GRID2: variants seen among roughly 807,000 people sequenced by gnomAD.
GRID2 encodes the protein glutamate ionotropic receptor delta type subunit 2.
GRID2 carries 33 observed loss-of-function variants against 114.8 expected under a neutral mutation model. The observed-to-expected ratio is 0.29, with a 90% CI of 0.22 to 0.38. The LOEUF (loss-of-function observed/expected upper bound fraction) is 0.38, where lower values mean the gene tolerates loss of function less well. GRID2 is among the 10% of genes least tolerant of loss of function. The pLI is 1.00. For synonymous variants in GRID2, 505 were observed against 449.9 expected (o/e 1.12, Z -1.55); for missense variants, 1,184 against 1,257.7 (o/e 0.94, Z 0.89).
intron 14 of GRID2, among the ~76,000 whole-genome samples, chr4:93,631,922 A>G (rs1371687424): frequency 2.0e-5 from 3 of 152,108 alleles, no homozygotes; most frequent in Non-Finnish European, 4.4e-5. Context: ...CTGCTGTGAG[A>G]TGGTATCTCG....
intron 2 of GRID2, among the ~76,000 whole-genome samples, chr4:93,030,092 T>G (rs1368273822): frequency 6.6e-6 from 1 of 152,192 alleles, no homozygotes; most frequent in African/African-American, 2.4e-5. Flanking sequence ...TATTGAAAAG[T>G]AGAGTTTCTG....
chr4:93,035,600 T>C (rs1263019006), intron 2 of GRID2, among the ~76,000 whole-genome samples: 3 of 152,272 alleles, frequency 2.0e-5, no homozygotes, highest in East Asian at 1.9e-4. Context: ...AATGAAGATA[T>C]AACCTAGGCT....
At chr4:92,612,694 T>C (rs1033236984) in intron 2 of GRID2, among the ~76,000 whole-genome samples, 2 of 151,526 alleles carry the variant, frequency 1.3e-5, no homozygotes, top group African/African-American at 4.8e-5. Context: ...AGGATTTTAT[T>C]CATTTTGATA....
intron 1 of GRID2, among the ~76,000 whole-genome samples, chr4:92,552,657 T>G (rs1004248582): frequency 4.6e-5 from 7 of 152,130 alleles, no homozygotes; most frequent in African/African-American, 1.7e-4. Context: ...TAGATGACTC[T>G]TAAGAATCTA....
chr4:93,578,577 T>C (rs1736639664), intron 13 of GRID2, among the ~76,000 whole-genome samples: 1 of 148,156 alleles, frequency 6.7e-6, no homozygotes, highest in Admixed American at 6.7e-5. Flanking sequence ...AACCTTGTCT[T>C]GTTTTTTGTA....
Position 93,545,020 on chromosome 4 carries a change from T to C in GRID2, c.2193+29609T>C, listed in dbSNP as rs1733072030. ...ATTTTACACCCCCTAAGTGAATTAA[T>C]CACTCACTTCTTTATAACTCTACCA... On this transcript the variant is annotated intron_variant, in intron 13 of 15. Coordinates refer to ENST00000282020, the MANE Select transcript of GRID2 (RefSeq NM_001510.4). 2.0e-5 allele frequency among the ~76,000 whole-genome samples: 3 copies of C among 152,160 alleles called. No individual in the cohort carries two copies. In the South Asian group the frequency reaches 6.2e-4, roughly 31 times the overall value.
At chr4:92,310,630 T>C (rs1725650700) in intron 1 of GRID2, among the ~76,000 whole-genome samples, 1 of 152,024 alleles carries the variant, frequency 6.6e-6, no homozygotes. Context: ...TGGATTAGAA[T>C]TTAGAAGGTA....
chr4:92,545,090 A>T (rs1360499025), intron 1 of GRID2, among the ~76,000 whole-genome samples: 1 of 152,014 alleles, frequency 6.6e-6, no homozygotes, highest in African/African-American at 2.4e-5. Context: ...TGAATGCCAG[A>T]GCTAATGTGA....
intron 2 of GRID2, among the ~76,000 whole-genome samples, chr4:92,971,290 C>G (rs925106062): frequency 6.6e-6 from 1 of 151,938 alleles, no homozygotes; most frequent in Admixed American, 6.6e-5. Flanking sequence ...GGGACATAGG[C>G]ACTTTATACA....
intron 2 of GRID2, among the ~76,000 whole-genome samples, chr4:92,745,467 T>G (rs1372253583): frequency 1.3e-5 from 2 of 152,326 alleles, no homozygotes; most frequent in East Asian, 3.9e-4. Flanking sequence ...TTATACTGTT[T>G]AACATGCTAC....
chr4:93,039,213 C>T (rs1725243191), intron 2 of GRID2, among the ~76,000 whole-genome samples: 1 of 151,462 alleles, frequency 6.6e-6, no homozygotes, highest in South Asian at 2.1e-4. Context: ...CAAGCTAACA[C>T]AGGAACAGAA....
At chr4:92,617,272 T>C (rs1288588974) in intron 2 of GRID2, among the ~76,000 whole-genome samples, 1 of 151,224 alleles carries the variant, frequency 6.6e-6, no homozygotes, top group African/African-American at 2.4e-5. Context: ...GTTTGTTACA[T>C]AGGTATACAT....
At chr4:93,347,911 T>C (rs1373250590) in intron 8 of GRID2, among the ~76,000 whole-genome samples, 1 of 152,116 alleles carries the variant, frequency 6.6e-6, no homozygotes, top group Non-Finnish European at 1.5e-5. Flanking sequence ...AAATTTATTA[T>C]TTGGAGAAAT....
At chr4:92,334,104 C>T (rs1165094875) in intron 1 of GRID2, among the ~76,000 whole-genome samples, 5 of 152,170 alleles carry the variant, frequency 3.3e-5, no homozygotes, top group African/African-American at 7.2e-5. Flanking sequence ...CACAATTCCT[C>T]CACATTCTTT....
intron 4 of GRID2, among the ~76,000 whole-genome samples, chr4:93,116,751 G>GT (rs34044500): frequency 0.087 from 12,677 of 145,420 alleles, 837 homozygotes; most frequent in African/African-American, 0.19. Flanking sequence ...AAGGAAGAGG[G>GT]TTTTTTTTTT....
exon 2 of GRID2, chr4:93,807,125 C>G (rs919477832): frequency 6.6e-6 from 1 of 152,274 alleles, no homozygotes; most frequent in Non-Finnish European, 1.5e-5. Flanking sequence ...AGCCCATTAG[C>G]CTTAGAAGGA....
chr4:92,779,986 A>G (rs958297690), intron 2 of GRID2, among the ~76,000 whole-genome samples: 2 of 140,674 alleles, frequency 1.4e-5, no homozygotes, highest in Non-Finnish European at 3.2e-5. Flanking sequence ...AACATTTGGC[A>G]TTTGCCTCAA....
chr4:93,003,044 A>C (rs1222588240), intron 2 of GRID2, among the ~76,000 whole-genome samples: 1 of 151,812 alleles, frequency 6.6e-6, no homozygotes, highest in African/African-American at 2.4e-5. Flanking sequence ...TTTTGGATCC[A>C]CCTGGATAAT....
chr4:92,656,377 T>C (rs1324143771), intron 2 of GRID2, among the ~76,000 whole-genome samples: 1 of 151,684 alleles, frequency 6.6e-6, no homozygotes, highest in African/African-American at 2.4e-5. Flanking sequence ...CATATACTTT[T>C]TGCAAGTGTA....
Sources: gnomAD v4.1 joint callset for allele counts (sites outside exome capture counted in the v4.1 genomes callset) on GRCh38, gnomAD v4.1.1 for gene constraint, MANE v1.5 for transcripts, NCBI Gene and HGNC (gene_info 2026-07-23, HGNC 2026-07-21) for gene names.